PCDH15: variants seen among roughly 807,000 people sequenced by gnomAD.
The protein encoded by PCDH15 is protocadherin-15.
In PCDH15, 129 loss-of-function variants were observed where a neutral mutation model predicts 178.5. The ratio of observed to expected loss-of-function variants is 0.72; its 90% CI spans 0.63 to 0.84. PCDH15 has a LOEUF of 0.84. PCDH15 is among the 40% of genes least tolerant of loss of function. The pLI is 0.00. For synonymous variants in PCDH15, 800 were observed against 732.0 expected, an observed-to-expected ratio of 1.09 and a Z score of -1.50; for missense variants, 2,230 against 2,099.9, an observed-to-expected ratio of 1.06 and a Z score of -1.21.
At chr10:54,478,949 A>G (rs973102778) in intron 3 of PCDH15, among the ~76,000 whole-genome samples, 4 of 151,884 alleles carry the variant, frequency 2.6e-5, no homozygotes, top group African/African-American at 7.3e-5. Flanking sequence ...TCATACTGGA[A>G]TCTAGCCTCA....
At chr10:54,832,561 G>T (rs572472939) in intron 3 of PCDH15, among the ~76,000 whole-genome samples, 1 of 152,260 alleles carries the variant, frequency 6.6e-6, no homozygotes, top group East Asian at 1.9e-4. Context: ...GATCTAACAT[G>T]CTATTTAGTC....
intron 2 of PCDH15, among the ~76,000 whole-genome samples, chr10:54,997,182 T>C (rs1043887164): frequency 6.6e-6 from 1 of 152,030 alleles, no homozygotes; most frequent in African/African-American, 2.4e-5. Context: ...CTTCACTGGA[T>C]TACCTATGGG....
At chr10:54,624,801 G>T (rs184142283) in intron 2 of PCDH15, among the ~76,000 whole-genome samples, 219 of 152,306 alleles carry the variant, frequency 1.4e-3, no homozygotes, top group African/African-American at 5.2e-3. Context: ...CATATGAGGG[G>T]TCTAGGTTGC....
chr10:54,028,858 C>T (rs1455929285), intron 18 of PCDH15, among the ~76,000 whole-genome samples: 1 of 149,740 alleles, frequency 6.7e-6, no homozygotes, highest in Non-Finnish European at 1.5e-5. Context: ...TTAGTGGGTG[C>T]AGCGCACCAG....
At chr10:53,902,473 A>G (rs941374568) in intron 26 of PCDH15, among the ~76,000 whole-genome samples, 1 of 152,176 alleles carries the variant, frequency 6.6e-6, no homozygotes, top group Non-Finnish European at 1.5e-5. Flanking sequence ...CAAGTTAACC[A>G]TTGAAATGCT....
At chr10:55,523,021 G>A (rs576917089) in intron 2 of PCDH15, among the ~76,000 whole-genome samples, 1 of 151,524 alleles carries the variant, frequency 6.6e-6, no homozygotes, top group Admixed American at 6.6e-5. Context: ...ATAAAACATA[G>A]TTATTACAGT....
intron 2 of PCDH15, among the ~76,000 whole-genome samples, chr10:55,337,889 G>GA (rs1387894240): frequency 6.6e-6 from 1 of 152,036 alleles, no homozygotes; most frequent in African/African-American, 2.4e-5. Context: ...CAGAATGGGA[G>GA]AAAATCTTTG....
chr10:54,825,030 C>CA (rs1953102876), intron 3 of PCDH15, among the ~76,000 whole-genome samples: 1 of 152,118 alleles, frequency 6.6e-6, no homozygotes, highest in Non-Finnish European at 1.5e-5. Flanking sequence ...CCCCTCCTCC[C>CA]ACCCCACAAC....
chr10:54,132,726 T>C (rs750838477), intron 15 of PCDH15, 149 bp downstream of exon 15: 15 of 1,376,278 alleles, frequency 1.1e-5, no homozygotes, highest in Non-Finnish European at 1.4e-5. Context: ...TTACCCTTGC[T>C]TTCCTTTCCA....
intron 2 of PCDH15, among the ~76,000 whole-genome samples, chr10:55,483,810 C>A: frequency 1.8e-5 from 2 of 112,782 alleles, no homozygotes; most frequent in African/African-American, 3.4e-5. Context: ...AGTGAGACTC[C>A]ATCTCAAAAA....
chr10:54,019,686 G>C (rs886446597), intron 20 of PCDH15, among the ~76,000 whole-genome samples: 1 of 152,018 alleles, frequency 6.6e-6, no homozygotes, highest in African/African-American at 2.4e-5. Flanking sequence ...GGTTAACAAA[G>C]TCCCCAAGGT....
chr10:55,210,978 C>A (rs1406442005), intron 1 of PCDH15, among the ~76,000 whole-genome samples: 2 of 151,874 alleles, frequency 1.3e-5, no homozygotes, highest in East Asian at 3.9e-4. Context: ...TCCCTGTAAC[C>A]CCCTTGAAAC....
intron 3 of PCDH15, chr10:54,486,381 T>C (rs905578238): frequency 1.3e-5 from 2 of 152,086 alleles, no homozygotes; most frequent in African/African-American, 2.4e-5. Flanking sequence ...ATATTTGAAA[T>C]CTATCAATAT....
chr10:54,995,983 C>T (rs1839633906), intron 2 of PCDH15, among the ~76,000 whole-genome samples: 1 of 152,134 alleles, frequency 6.6e-6, no homozygotes, highest in African/African-American at 2.4e-5. Context: ...AGCTGCAATA[C>T]CTCATTAAAT....
At chr10:54,158,717 G>GAATT (rs5785042) in intron 13 of PCDH15, among the ~76,000 whole-genome samples, 96,655 of 151,644 alleles carry the variant, frequency 0.64, 32,252 homozygotes, top group East Asian at 0.89. Flanking sequence ...AAATGACACA[G>GAATT]AAAGCCACAG....
chr10:53,934,642 C>T (rs775875856), intron 25 of PCDH15, among the ~76,000 whole-genome samples: 7 of 151,760 alleles, frequency 4.6e-5, no homozygotes, highest in East Asian at 1.9e-4. Flanking sequence ...GTTAATGAGA[C>T]GTGTGACACA....
intron 2 of PCDH15, among the ~76,000 whole-genome samples, chr10:55,355,198 T>C (rs907048011): frequency 1.7e-4 from 26 of 152,196 alleles, no homozygotes; most frequent in Non-Finnish European, 3.1e-4. Flanking sequence ...TGATTCTGAA[T>C]AGAGCTGCTA....
chr10:55,158,383 GAAT>G (rs1409098558), intron 2 of PCDH15, among the ~76,000 whole-genome samples: 2 of 151,940 alleles, frequency 1.3e-5, no homozygotes, highest in Non-Finnish European at 2.9e-5. Context: ...GGGTGATGGG[GAAT>G]AATATTACTG....
chr10:53,914,448 G>C (rs2133812337), intron 25 of PCDH15, among the ~76,000 whole-genome samples: 1 of 152,278 alleles, frequency 6.6e-6, no homozygotes, highest in Admixed American at 6.5e-5. Context: ...AAAATGATGA[G>C]TTCATGTCCT....
Sources: allele counts gnomAD v4.1 joint callset (sites outside exome capture counted in the v4.1 genomes callset), GRCh38; gene constraint gnomAD v4.1.1; transcripts MANE v1.5; gene names NCBI Gene and HGNC (gene_info 2026-07-23, HGNC 2026-07-21).